The following RGS7 variants were observed in gnomAD, a reference collection of about 807,000 sequenced individuals.
The protein encoded by RGS7 is regulator of G-protein signaling 7.
RGS7 carries 27 observed loss-of-function variants against 81.1 expected under a neutral mutation model. That is an observed-to-expected ratio of 0.33 (90% CI 0.25 to 0.46). RGS7 has a LOEUF of 0.46. RGS7 is among the 20% of genes least tolerant of loss of function. The pLI, the probability that RGS7 is intolerant of heterozygous loss-of-function variation, is 1.00. For synonymous variants in RGS7, 208 were observed against 207.7 expected (o/e 1.00, Z -0.01); for missense variants, 396 against 607.4 (o/e 0.65, Z 3.66).
At chr1:241,013,401 C>T (rs770852300) in intron 3 of RGS7, among the ~76,000 whole-genome samples, 4 of 152,126 alleles carry the variant, frequency 2.6e-5, no homozygotes, top group African/African-American at 7.2e-5. Flanking sequence ...GTGTATGGCT[C>T]CTGTGTCCAC....
intron 3 of RGS7, among the ~76,000 whole-genome samples, chr1:241,069,414 G>A (rs1440949398): frequency 6.6e-6 from 1 of 152,152 alleles, no homozygotes; most frequent in African/African-American, 2.4e-5. Flanking sequence ...GAGCAATAAA[G>A]AAGAACGGGG....
At chr1:241,270,208 C>T (rs2077801656) in intron 2 of RGS7, among the ~76,000 whole-genome samples, 1 of 152,148 alleles carries the variant, frequency 6.6e-6, no homozygotes, top group Non-Finnish European at 1.5e-5. Context: ...TAATCCTAAG[C>T]TTAGAGTGGC....
intron 2 of RGS7, among the ~76,000 whole-genome samples, chr1:241,143,864 T>C (rs547866886): frequency 1.3e-5 from 2 of 152,130 alleles, no homozygotes; most frequent in African/African-American, 2.4e-5. Flanking sequence ...AGTGCCCTTA[T>C]AAAGGAGGCC....
At chr1:240,983,817 T>C (rs753623667) in intron 3 of RGS7, among the ~76,000 whole-genome samples, 2 of 152,220 alleles carry the variant, frequency 1.3e-5, no homozygotes, top group Non-Finnish European at 2.9e-5. Flanking sequence ...AGTAAGAACC[T>C]TGAAGCAGGG....
At chr1:240,963,831 G>A (rs2148483677) in intron 4 of RGS7, among the ~76,000 whole-genome samples, 1 of 152,306 alleles carries the variant, frequency 6.6e-6, no homozygotes, top group Middle Eastern at 3.4e-3. Flanking sequence ...AGATATGGCT[G>A]GTTAAGATAT....
intron 2 of RGS7, among the ~76,000 whole-genome samples, chr1:241,186,087 A>C (rs1367664660): frequency 6.6e-6 from 1 of 152,206 alleles, no homozygotes. Context: ...AGATTGACCA[A>C]GATAAACAGA....
At chr1:241,239,871 G>A (rs1573301217) in intron 2 of RGS7, among the ~76,000 whole-genome samples, 3 of 152,192 alleles carry the variant, frequency 2.0e-5, no homozygotes, top group South Asian at 2.1e-4. Context: ...GAGGGCCATC[G>A]ATGACTTCTT....
At position 241,253,543 on chromosome 1, in the gene RGS7, CTG is replaced by C. The variant is rs1003418533; in HGVS notation, c.78+102154_78+102155del. On this transcript the variant is annotated intron_variant, in intron 2 of 18. Coordinates refer to ENST00000440928, the MANE Select transcript of RGS7 (RefSeq NM_001364886.1). ...AGTGGAAATGAAAATGGATCCCTAA[CTG>C]TGCAAGAGGCAACGATGAAATAGCT... Among the ~76,000 whole-genome samples, 7 of 152,272 alleles carry C rather than the reference CTG, an allele frequency of 4.6e-5. No homozygotes were observed. The East Asian group carries it at 1.4e-3, about 29-fold the overall frequency.
intron 3 of RGS7, among the ~76,000 whole-genome samples, chr1:241,005,275 T>C (rs554974041): frequency 6.6e-6 from 1 of 152,326 alleles, no homozygotes; most frequent in Non-Finnish European, 1.5e-5. Flanking sequence ...AATTTATACA[T>C]ACAGTTTTGC....
At chr1:241,327,268 C>A (rs1412915476) in intron 2 of RGS7, among the ~76,000 whole-genome samples, 1 of 151,988 alleles carries the variant, frequency 6.6e-6, no homozygotes, top group African/African-American at 2.4e-5. Flanking sequence ...CCATAGATAT[C>A]AACTTCTGAA....
At chr1:241,101,274 T>C (rs1431406637) in intron 2 of RGS7, among the ~76,000 whole-genome samples, 1 of 152,160 alleles carries the variant, frequency 6.6e-6, no homozygotes, top group African/African-American at 2.4e-5. Context: ...GGCAGGCAGA[T>C]CACCTGAGGT....
At chr1:240,841,044 T>G (rs978883031) in intron 9 of RGS7, among the ~76,000 whole-genome samples, 1 of 152,236 alleles carries the variant, frequency 6.6e-6, no homozygotes, top group African/African-American at 2.4e-5. Context: ...ATACATTTAT[T>G]TAACAGGAAA....
At chr1:241,293,844 G>A (rs2079230977) in intron 2 of RGS7, among the ~76,000 whole-genome samples, 1 of 152,162 alleles carries the variant, frequency 6.6e-6, no homozygotes, top group Non-Finnish European at 1.5e-5. Context: ...GTGTTGGTGG[G>A]AGTGTAAATT....
intron 3 of RGS7, among the ~76,000 whole-genome samples, chr1:241,091,020 T>A (rs1402609115): frequency 2.0e-5 from 3 of 152,124 alleles, no homozygotes; most frequent in Non-Finnish European, 4.4e-5. Flanking sequence ...AGAATGGGAT[T>A]TTGCCTCAAA....
chr1:241,241,771 C>A (rs1179316295), intron 2 of RGS7, among the ~76,000 whole-genome samples: 1 of 152,188 alleles, frequency 6.6e-6, no homozygotes, highest in Non-Finnish European at 1.5e-5. Flanking sequence ...TGGACCAGCA[C>A]TGGCCATGTT....
At chr1:240,896,330 T>C (rs898433921) in intron 6 of RGS7, among the ~76,000 whole-genome samples, 2 of 152,216 alleles carry the variant, frequency 1.3e-5, no homozygotes, top group African/African-American at 2.4e-5. Flanking sequence ...GCCATTGCTT[T>C]TGGTGTTTTA....
At chr1:241,033,148 C>T (rs1345087357) in intron 3 of RGS7, among the ~76,000 whole-genome samples, 1 of 152,140 alleles carries the variant, frequency 6.6e-6, no homozygotes, top group East Asian at 1.9e-4. Context: ...GTCAGGAGTT[C>T]GAGACCAGCC....
At chr1:240,900,325 C>T (rs560515943) in intron 6 of RGS7, among the ~76,000 whole-genome samples, 37 of 152,186 alleles carry the variant, frequency 2.4e-4, no homozygotes, top group Non-Finnish European at 4.3e-4. Flanking sequence ...AGCTTTGTTC[C>T]GTTGCTGGCG....
chr1:240,787,225 G>A (rs1685219763), intron 18 of RGS7, among the ~76,000 whole-genome samples: 1 of 152,028 alleles, frequency 6.6e-6, no homozygotes, highest in African/African-American at 2.4e-5. Flanking sequence ...TGTACTGTTT[G>A]TATTTCTTTT....
Sources: gnomAD v4.1 joint callset for allele counts (sites outside exome capture counted in the v4.1 genomes callset) on GRCh38, gnomAD v4.1.1 for gene constraint, MANE v1.5 for transcripts, NCBI Gene and HGNC (gene_info 2026-07-23, HGNC 2026-07-21) for gene names.